MAP3K3: variants seen among roughly 807,000 people sequenced by gnomAD.
MAP3K3 encodes the protein MAP/ERK kinase kinase 3.
MAP3K3 carries 12 observed loss-of-function variants against 80.9 expected under a neutral mutation model. The ratio of observed to expected loss-of-function variants is 0.15; its 90% CI spans 0.10 to 0.24. The LOEUF (loss-of-function observed/expected upper bound fraction) is 0.24, where lower values mean the gene tolerates loss of function less well. Among genes scored for constraint, MAP3K3 ranks in the 10% least tolerant of loss-of-function variants. MAP3K3 has a pLI of 1.00. For synonymous variants in MAP3K3, 272 were observed against 307.1 expected, an observed-to-expected ratio of 0.89 and a Z score of 1.19; for missense variants, 596 against 834.7, an observed-to-expected ratio of 0.71 and a Z score of 3.52.
chr17:63,678,489 G>T (rs191397761), intron 6 of MAP3K3, among the ~76,000 whole-genome samples: 25 of 152,240 alleles, frequency 1.6e-4, no homozygotes, highest in Non-Finnish European at 3.4e-4. Flanking sequence ...AAAATTCTAT[G>T]CCTGTTTTCA....
rs2143639284 is a variant in MAP3K3, at chr17:63,692,515, G to A, written c.1652+96G>A. The A allele has an allele frequency of 7.5e-7, 1 of 1,335,024 alleles. No homozygotes were observed. The highest frequency in any genetic ancestry group is 1.0e-6 in the Non-Finnish European group (1 of 988,738). 82.7% of individuals were successfully genotyped at this position (1,335,024 alleles called of 1,614,324 possible). ...TGGGGACTTTGTGGTGTGGCAGGAGGGAGTGTGCCCAGGGCCCAGGCTGCA... is the reference window on the plus strand; with the variant it reads ...TGGGGACTTTGTGGTGTGGCAGGAGAGAGTGTGCCCAGGGCCCAGGCTGCA... On this transcript the variant is annotated intron_variant, in intron 15 of 15. Transcript: ENST00000361733. This position sits in a 1 kb window ranked among gnomAD's most constrained non-coding sequence, Gnocchi z 4.5.
chr17:63,638,363 A>G (rs2034374195), intron 2 of MAP3K3, among the ~76,000 whole-genome samples: 5 of 152,208 alleles, frequency 3.3e-5, no homozygotes, highest in Admixed American at 3.3e-4. Flanking sequence ...GATAAGAAGA[A>G]TGATGGGTAA....
At chr17:63,633,504 CCT>C (rs1176450044) in intron 2 of MAP3K3, among the ~76,000 whole-genome samples, 1 of 152,074 alleles carries the variant, frequency 6.6e-6, no homozygotes, top group Non-Finnish European at 1.5e-5. Flanking sequence ...TAAAATGTCA[CCT>C]AGTATATTCT....
chr17:63,641,329 A>G (rs1376628571), intron 2 of MAP3K3, among the ~76,000 whole-genome samples: 5 of 147,962 alleles, frequency 3.4e-5, no homozygotes, highest in Non-Finnish European at 7.4e-5. Context: ...TGCAACCTCC[A>G]CTTCCTGGGT....
chr17:63,693,677 A>G lies in MAP3K3; in HGVS notation c.1781A>G (p.Glu594Gly), dbSNP rs2035637980. The G allele has an allele frequency of 6.2e-7, 1 of 1,609,318 alleles. No individual in the cohort carries two copies. The highest frequency in any genetic ancestry group is 8.5e-7 in the Non-Finnish European group (1 of 1,177,486). The part of the protein sequence containing the change: ...TNPQLPSHIS[E>G]HGRDFLRRIF... Reference sequence around the variant, plus strand: ...CCTCAGCTGCCCTCCCACATCTCTGAACATGGCCGGGACTTCCTGAGGCGC... The same window carrying G: ...CCTCAGCTGCCCTCCCACATCTCTGGACATGGCCGGGACTTCCTGAGGCGC... Residue 594 changes from glutamate (E) to glycine (G), a missense_variant, in exon 16 of 16, where the codon GAA becomes GGA. Physicochemically the swap from Glu to Gly is moderately conservative, Grantham distance 98. Around this residue, in one of 2 missense-constraint regions of MAP3K3, gnomAD observed 364 missense variants for 588.9 expected, o/e 0.62. Coordinates refer to ENST00000361733, the MANE Select transcript of MAP3K3 (RefSeq NM_002401.5). The surrounding 1 kb of genome is among the most constrained non-coding windows in gnomAD (Gnocchi z 4.2).
intron 6 of MAP3K3, among the ~76,000 whole-genome samples, chr17:63,675,730 T>C (rs1359154079): frequency 6.6e-6 from 1 of 152,176 alleles, no homozygotes; most frequent in Admixed American, 6.5e-5. Flanking sequence ...CTTCAGCTGG[T>C]GGCACAGGTG....
chr17:63,654,610 C>T (rs943931825), intron 4 of MAP3K3, among the ~76,000 whole-genome samples: 16 of 152,120 alleles, frequency 1.1e-4, no homozygotes, highest in Admixed American at 2.6e-4. Context: ...CATAAGATAA[C>T]TCTAACTTTT....
chr17:63,688,667 T>G (rs1186836061), intron 9 of MAP3K3, 73 bp downstream of exon 9: 46 of 1,492,676 alleles, frequency 3.1e-5, no homozygotes, highest in Non-Finnish European at 4.2e-5. Flanking sequence ...GCTTCGACTT[T>G]TCTGAGTCAG....
intron 8 of MAP3K3, among the ~76,000 whole-genome samples, chr17:63,686,730 C>G (rs1442086306): frequency 2.0e-5 from 3 of 152,082 alleles, no homozygotes; most frequent in African/African-American, 7.2e-5. Flanking sequence ...CTAAATTTAC[C>G]CGCCTCTCTA....
chr17:63,636,330 A>G (rs1186321696), intron 2 of MAP3K3, among the ~76,000 whole-genome samples: 1 of 152,184 alleles, frequency 6.6e-6, no homozygotes, highest in Non-Finnish European at 1.5e-5. Flanking sequence ...TCTGTATTCT[A>G]GGAGTACAGA....
chr17:63,654,499 G>A (rs1355193472), intron 4 of MAP3K3, among the ~76,000 whole-genome samples: 2 of 151,930 alleles, frequency 1.3e-5, no homozygotes, highest in Non-Finnish European at 1.5e-5. Flanking sequence ...TCATTTTTTG[G>A]TGATTAAATA....
At chr17:63,667,859 A>C (rs2035030675) in intron 6 of MAP3K3, among the ~76,000 whole-genome samples, 1 of 152,124 alleles carries the variant, frequency 6.6e-6, no homozygotes, top group African/African-American at 2.4e-5. Flanking sequence ...ATGGAGGGCC[A>C]ACTATATATA....
chr17:63,689,130 C>T lies in MAP3K3; in HGVS notation c.871+249C>T, dbSNP rs1316569766. Reference sequence around the variant, plus strand: ...CAGTGGTGTGCTCCAGGGGCACCATCTCTCCCATGTCCTCTTCTGCCCCAC... The same window carrying T: ...CAGTGGTGTGCTCCAGGGGCACCATTTCTCCCATGTCCTCTTCTGCCCCAC... On this transcript the variant is annotated intron_variant, in intron 10 of 15. Transcript: ENST00000361733. This position sits in a 1 kb window ranked among gnomAD's most constrained non-coding sequence, Gnocchi z 4.3. The T allele has an allele frequency of 5.2e-6, 3 of 579,510 alleles. No individual in the cohort carries two copies. The highest frequency in any genetic ancestry group is 4.1e-5 in the South Asian group (2 of 48,974). The allele number at this position is 579,510 out of a possible 1,614,324, so 35.9% of individuals were successfully genotyped here. A position where few individuals can be genotyped will look rare whatever the true frequency, so the allele number is the denominator to read the frequency against.
At chr17:63,642,034 T>C (rs565397726) in intron 2 of MAP3K3, among the ~76,000 whole-genome samples, 1 of 152,348 alleles carries the variant, frequency 6.6e-6, no homozygotes, top group South Asian at 2.1e-4. Flanking sequence ...TATCTTTATC[T>C]GAACTTCCCT....
intron 7 of MAP3K3, among the ~76,000 whole-genome samples, chr17:63,683,948 G>A (rs1046773191): frequency 8.6e-5 from 13 of 151,992 alleles, no homozygotes; most frequent in African/African-American, 3.1e-4. Flanking sequence ...CTTGAGGTCA[G>A]GAGTTCAAGA....
chr17:63,684,496 T>C (rs1424705893), intron 7 of MAP3K3, among the ~76,000 whole-genome samples: 1 of 152,200 alleles, frequency 6.6e-6, no homozygotes, highest in African/African-American at 2.4e-5. Context: ...TAAAAAATCA[T>C]GTGTGACAAC....
chr17:63,683,883 G>A (rs1185730530), intron 7 of MAP3K3, among the ~76,000 whole-genome samples: 3 of 152,016 alleles, frequency 2.0e-5, no homozygotes, highest in Non-Finnish European at 4.4e-5. Context: ...CAGTCCGGTC[G>A]CAGTGGCTCA....
rs1206121784 is a variant in MAP3K3 at position 63,691,003 on chromosome 17, A to C, written c.1213-99A>C. 1.4e-6 allele frequency: 2 copies of C among 1,446,774 alleles called. No individual in the cohort carries two copies. The highest frequency in any genetic ancestry group is 1.9e-6 in the Non-Finnish European group (2 of 1,048,316). The allele number at this position is 1,446,774 out of a possible 1,614,324, so 89.6% of individuals were successfully genotyped here. ...TTTCTCCAACTGCAGTTCCCAAGGC[A>C]GATCCCTGTGAGGCCACTAACTAGG... On this transcript the variant is annotated intron_variant, in intron 12 of 15. Coordinates refer to ENST00000361733, the MANE Select transcript of MAP3K3 (RefSeq NM_002401.5). The surrounding 1 kb of genome is among the most constrained non-coding windows in gnomAD (Gnocchi z 4.8).
chr17:63,690,426 G>T lies in MAP3K3; in HGVS notation c.1212+14G>T, dbSNP rs765476339. Reference sequence around the variant, plus strand: ...GAGACAAGCAAGGTACACTTAACCCGTGGTCTGACTTCAGTTCCCTCCTTT... The same window carrying T: ...GAGACAAGCAAGGTACACTTAACCCTTGGTCTGACTTCAGTTCCCTCCTTT... On this transcript the variant is annotated intron_variant, in intron 12 of 15. Coordinates refer to ENST00000361733, the MANE Select transcript of MAP3K3 (RefSeq NM_002401.5). 1 of 1,611,460 alleles carries T rather than the reference G, an allele frequency of 6.2e-7. No homozygotes were observed. The highest frequency in any genetic ancestry group is 1.1e-5 in the South Asian group (1 of 90,778).
Sources: gnomAD v4.1 joint callset for allele counts (sites outside exome capture counted in the v4.1 genomes callset) on GRCh38, gnomAD v4.1.1 for gene constraint, gnomAD v4.1.1 regional missense constraint, Gnocchi (gnomAD v3.1) non-coding constraint, MANE v1.5 for transcripts, NCBI Gene and HGNC (gene_info 2026-07-23, HGNC 2026-07-21) for gene names.